The following CNTN6 variants were observed in gnomAD, a reference collection of about 807,000 sequenced individuals.
The protein encoded by CNTN6 is contactin-6.
Under a neutral mutation model 122.8 loss-of-function variants are expected in CNTN6, and 137 were observed. That is an observed-to-expected ratio of 1.12 (90% CI 0.97 to 1.29). The LOEUF (loss-of-function observed/expected upper bound fraction) is 1.29. Among genes scored for constraint, CNTN6 ranks in the 50% most tolerant of loss-of-function variants. CNTN6 has a pLI of 0.00. For synonymous variants in CNTN6, 570 were observed against 426.0 expected (o/e 1.34, Z -4.16); for missense variants, 1,634 against 1,223.4 (o/e 1.34, Z -5.01).
intron 7 of CNTN6, among the ~76,000 whole-genome samples, chr3:1,317,399 T>C (rs1196743749): frequency 6.6e-6 from 1 of 151,732 alleles, no homozygotes; most frequent in Non-Finnish European, 1.5e-5. Context: ...TCTGGATGAA[T>C]ACAGCAGGAA....
intron 2 of CNTN6, among the ~76,000 whole-genome samples, chr3:1,205,453 C>T (rs534359586): frequency 3.3e-5 from 5 of 152,274 alleles, no homozygotes; most frequent in South Asian, 2.1e-4. Flanking sequence ...TGTCAATTCC[C>T]TAGATGTTGA....
At chr3:1,243,206 G>A (rs1199639471) in intron 4 of CNTN6, among the ~76,000 whole-genome samples, 2 of 152,086 alleles carry the variant, frequency 1.3e-5, no homozygotes, top group Non-Finnish European at 2.9e-5. Context: ...GATGGGACGC[G>A]GCTTACGAGG....
intron 7 of CNTN6, among the ~76,000 whole-genome samples, chr3:1,313,172 G>A (rs1302829853): frequency 1.3e-5 from 2 of 152,128 alleles, no homozygotes; most frequent in African/African-American, 2.4e-5. Context: ...GGTATTTATC[G>A]AGGCTTAGTA....
chr3:1,268,622 AAAT>A (rs1382031804), intron 4 of CNTN6, among the ~76,000 whole-genome samples: 198 of 151,622 alleles, frequency 1.3e-3, no homozygotes, highest in African/African-American at 4.2e-3. Context: ...AAAAAAAAAA[AAAT>A]ACAGTGTGAT....
intron 12 of CNTN6, among the ~76,000 whole-genome samples, chr3:1,352,960 C>G (rs1277716176): frequency 6.6e-6 from 1 of 151,638 alleles, no homozygotes; most frequent in African/African-American, 2.4e-5. Flanking sequence ...CTGTGTGAAT[C>G]ATTATTATAT....
intron 4 of CNTN6, among the ~76,000 whole-genome samples, chr3:1,257,544 C>T (rs930606447): frequency 6.6e-6 from 1 of 152,052 alleles, no homozygotes; most frequent in Non-Finnish European, 1.5e-5. Flanking sequence ...CCTTGCTTCC[C>T]CACCCCTGCC....
chr3:1,380,136 C>T (rs1431565724), intron 17 of CNTN6, among the ~76,000 whole-genome samples: 2 of 152,252 alleles, frequency 1.3e-5, no homozygotes, highest in East Asian at 1.9e-4. Context: ...AATGTCACTC[C>T]TGTTGTAGTT....
At chr3:1,167,992 C>T (rs769622841) in intron 2 of CNTN6, among the ~76,000 whole-genome samples, 2 of 152,078 alleles carry the variant, frequency 1.3e-5, no homozygotes, top group African/African-American at 2.4e-5. Flanking sequence ...CTGCAACCTC[C>T]GCCTCCTGGG....
At chr3:1,219,776 G>A (rs548422650) in intron 2 of CNTN6, among the ~76,000 whole-genome samples, 1 of 152,152 alleles carries the variant, frequency 6.6e-6, no homozygotes, top group South Asian at 2.1e-4. Flanking sequence ...AGCACATTGG[G>A]AGGCTGAGGT....
intron 7 of CNTN6, among the ~76,000 whole-genome samples, chr3:1,307,453 A>G (rs1698539994): frequency 6.9e-6 from 1 of 144,346 alleles, no homozygotes; most frequent in African/African-American, 2.9e-5. Context: ...AACGGATAGT[A>G]CAGAGAGGTC....
chr3:1,299,424 G>C (rs1014163556), intron 7 of CNTN6, among the ~76,000 whole-genome samples: 1 of 152,104 alleles, frequency 6.6e-6, no homozygotes, highest in Non-Finnish European at 1.5e-5. Context: ...AGGAAATATA[G>C]ATTCCTGAAA....
intron 1 of CNTN6, among the ~76,000 whole-genome samples, chr3:1,125,415 A>C (rs545583787): frequency 1.3e-5 from 2 of 151,814 alleles, no homozygotes. Context: ...TTTTACATCA[A>C]TGGGCTTGGA....
intron 2 of CNTN6, among the ~76,000 whole-genome samples, chr3:1,153,302 T>G (rs1482365086): frequency 1.3e-5 from 2 of 152,192 alleles, no homozygotes; most frequent in Non-Finnish European, 2.9e-5. Flanking sequence ...GGGATTCTAA[T>G]TATTGTGTTA....
At chr3:1,185,561 C>T (rs1268393137) in intron 2 of CNTN6, among the ~76,000 whole-genome samples, 2 of 152,250 alleles carry the variant, frequency 1.3e-5, no homozygotes, top group Admixed American at 1.3e-4. Context: ...TCTATGTGAC[C>T]TTGGCATGTA....
intron 5 of CNTN6, among the ~76,000 whole-genome samples, chr3:1,292,898 A>C (rs755411218): frequency 2.6e-5 from 4 of 151,570 alleles, no homozygotes; most frequent in Non-Finnish European, 5.9e-5. Flanking sequence ...TTGCATAAAC[A>C]TATCACACAC....
intron 1 of CNTN6, among the ~76,000 whole-genome samples, chr3:1,096,330 C>T (rs545990237): frequency 6.6e-6 from 1 of 151,952 alleles, no homozygotes; most frequent in Admixed American, 6.6e-5. Flanking sequence ...TTTTCATTAA[C>T]TTTTTTTGAG....
Position 1,326,114 on chromosome 3 carries a change from A to C in CNTN6, c.1083+163A>C, listed in dbSNP as rs1399021925. Among the ~76,000 whole-genome samples the C allele has an allele frequency of 2.0e-5, 3 of 151,912 alleles. No homozygotes were observed. The East Asian group carries it at 5.8e-4, about 29-fold the overall frequency. On this transcript the variant is annotated intron_variant, in intron 9 of 22. Transcript: ENST00000446702. ...TTATTTAATCCTTAAATAAACTTACAAAGTAACCCATCTTTCAAAAGAGAA... is the reference window on the plus strand; with the variant it reads ...TTATTTAATCCTTAAATAAACTTACCAAGTAACCCATCTTTCAAAAGAGAA...
Position 1,373,916 on chromosome 3 carries a change from C to G in CNTN6, c.1946-8C>G, listed in dbSNP as rs779303559. ...AACCTAGGTGCCTTAGTGTCTCATT[C>G]TTTTTAGTTCCAGAAATTCTCAATG... On this transcript the variant is annotated splice_polypyrimidine_tract_variant and splice_region_variant and intron_variant, in intron 15 of 22. Coordinates refer to ENST00000446702, the MANE Select transcript of CNTN6 (RefSeq NM_001289080.2). The G allele has an allele frequency of 6.2e-7, 1 of 1,605,660 alleles. No individual in the cohort carries two copies. Among genetic ancestry groups the G allele is most frequent in the East Asian group, 2.2e-5 (1 of 44,578 alleles).
At chr3:1,357,681 G>A (rs1200194977) in intron 12 of CNTN6, among the ~76,000 whole-genome samples, 2 of 151,826 alleles carry the variant, frequency 1.3e-5, no homozygotes, top group Admixed American at 6.6e-5. Context: ...ATTGTTCAAA[G>A]TCTAGCAGGA....
Sources: allele counts gnomAD v4.1 joint callset (sites outside exome capture counted in the v4.1 genomes callset), GRCh38; gene constraint gnomAD v4.1.1; transcripts MANE v1.5; gene names NCBI Gene and HGNC (gene_info 2026-07-23, HGNC 2026-07-21).